The following HS3ST3A1 variants were observed in gnomAD, a reference collection of about 807,000 sequenced individuals.
HS3ST3A1 encodes heparan sulfate glucosamine 3-O-sulfotransferase 3A1.
HS3ST3A1 carries 19 observed loss-of-function variants against 25.7 expected under a neutral mutation model. The observed-to-expected ratio is 0.74, with a 90% CI of 0.52 to 1.08. HS3ST3A1 has a LOEUF of 1.08. HS3ST3A1 is among the 50% of genes least tolerant of loss of function. HS3ST3A1 has a pLI of 0.00. For missense variants in HS3ST3A1, 459 were observed against 594.3 expected, an observed-to-expected ratio of 0.77 and a Z score of 2.37; for synonymous variants, 226 against 278.6, an observed-to-expected ratio of 0.81 and a Z score of 1.88.
intron 1 of HS3ST3A1, among the ~76,000 whole-genome samples, chr17:13,572,804 T>C (rs1907852937): frequency 6.6e-6 from 1 of 152,186 alleles, no homozygotes; most frequent in African/African-American, 2.4e-5. Flanking sequence ...AATAAAAAAT[T>C]GAGCAAAACA....
chr17:13,508,690 T>C (rs1384985900), intron 1 of HS3ST3A1, among the ~76,000 whole-genome samples: 2 of 152,224 alleles, frequency 1.3e-5, no homozygotes, highest in Non-Finnish European at 2.9e-5. Context: ...TTTAAAGTGG[T>C]TTCTGTCTCC....
intron 1 of HS3ST3A1, among the ~76,000 whole-genome samples, chr17:13,502,317 G>A (rs1337573533): frequency 1.3e-5 from 2 of 152,136 alleles, no homozygotes; most frequent in East Asian, 1.9e-4. Flanking sequence ...ACACTACTGA[G>A]GGGACAGACC....
At chr17:13,558,105 G>C (rs1473844018) in intron 1 of HS3ST3A1, among the ~76,000 whole-genome samples, 1 of 152,056 alleles carries the variant, frequency 6.6e-6, no homozygotes, top group African/African-American at 2.4e-5. Flanking sequence ...TCATTTATAG[G>C]ACAAGATTTA....
rs1395569900 is a variant in HS3ST3A1 at position 13,585,840 on chromosome 17, G to GTTC, written c.599+14690_599+14691insGAA. 6.1e-3 allele frequency among the ~76,000 whole-genome samples: 377 copies of GTTC among 62,034 alleles called. 88 individuals are homozygous for GTTC. In the East Asian group the frequency reaches 0.065, roughly 11 times the overall value. 40.7% of individuals were successfully genotyped at this position (62,034 alleles called of 152,430 possible). A position where few individuals can be genotyped will look rare whatever the true frequency, so the allele number is the denominator to read the frequency against. ...TGAGACCTGTTATTCCTCCTTCTGC[G>GTTC]TTTTTTTTTTTTTTTTTTTTTTTTT... On this transcript the variant is annotated intron_variant, in intron 1 of 1. Coordinates refer to ENST00000284110, the MANE Select transcript of HS3ST3A1 (RefSeq NM_006042.3).
At chr17:13,586,239 A>AT (rs1248318526) in intron 1 of HS3ST3A1, among the ~76,000 whole-genome samples, 3 of 152,022 alleles carry the variant, frequency 2.0e-5, no homozygotes, top group African/African-American at 7.2e-5. Context: ...ACACAGTGTT[A>AT]TAAGTCCTAC....
intron 1 of HS3ST3A1, among the ~76,000 whole-genome samples, chr17:13,500,407 C>T (rs1453494235): frequency 2.6e-5 from 4 of 152,072 alleles, no homozygotes; most frequent in Non-Finnish European, 5.9e-5. Flanking sequence ...AAACTGGGGC[C>T]CGGGATGGGT....
At chr17:13,499,323 C>T (rs1345656649) in intron 1 of HS3ST3A1, among the ~76,000 whole-genome samples, 1 of 152,096 alleles carries the variant, frequency 6.6e-6, no homozygotes, top group Non-Finnish European at 1.5e-5. Flanking sequence ...CTAAGGTGAG[C>T]CAGGAGATCT....
Position 13,516,815 on chromosome 17 carries a change from T to A in HS3ST3A1, c.600-19997A>T, listed in dbSNP as rs545891105. On this transcript the variant is annotated intron_variant, in intron 1 of 1. Coordinates refer to ENST00000284110, the MANE Select transcript of HS3ST3A1 (RefSeq NM_006042.3). Reference sequence around the variant, plus strand: ...TGGTCTAGTGCCTCAGCTTCCCAAGTAGCTGGGATTACAGGCGCCTGCCAC... The same window carrying A: ...TGGTCTAGTGCCTCAGCTTCCCAAGAAGCTGGGATTACAGGCGCCTGCCAC... Among the ~76,000 whole-genome samples the A allele has an allele frequency of 1.1e-3, 167 of 152,334 alleles. 1 individual carries two copies. The highest frequency in any genetic ancestry group is 3.8e-3 in the African/African-American group (156 of 41,582).
At chr17:13,555,302 G>A (rs916773105) in intron 1 of HS3ST3A1, among the ~76,000 whole-genome samples, 136 of 152,168 alleles carry the variant, frequency 8.9e-4, no homozygotes, top group Non-Finnish European at 1.3e-4. Flanking sequence ...AATGGAACAG[G>A]TGGAGGAAGA....
intron 1 of HS3ST3A1, among the ~76,000 whole-genome samples, chr17:13,576,499 C>T (rs777554340): frequency 1.7e-4 from 26 of 152,162 alleles, no homozygotes; most frequent in Non-Finnish European, 2.8e-4. Flanking sequence ...ACAAGCCAAG[C>T]GTGGAAGATA....
chr17:13,593,284 C>G (rs1051594858), intron 1 of HS3ST3A1, among the ~76,000 whole-genome samples: 2 of 148,496 alleles, frequency 1.3e-5, no homozygotes, highest in African/African-American at 2.5e-5. Context: ...TTTCCTCTGA[C>G]CCTTATTTTA....
At chr17:13,563,798 G>C (rs1486076958) in intron 1 of HS3ST3A1, among the ~76,000 whole-genome samples, 1 of 152,166 alleles carries the variant, frequency 6.6e-6, no homozygotes, top group East Asian at 1.9e-4. Context: ...GGAGTATGCG[G>C]TTGCAGCTCC....
chr17:13,545,179 A>C (rs1907049743), intron 1 of HS3ST3A1, among the ~76,000 whole-genome samples: 1 of 152,218 alleles, frequency 6.6e-6, no homozygotes. Flanking sequence ...AACTACCAAG[A>C]TCACCCATGA....
chr17:13,556,791 G>T (rs1472894577), intron 1 of HS3ST3A1, among the ~76,000 whole-genome samples: 4 of 150,920 alleles, frequency 2.7e-5, no homozygotes, highest in African/African-American at 7.4e-5. Flanking sequence ...GGCAGAGGTT[G>T]CAGGGAGCAG....
At chr17:13,574,579 A>G (rs1907902167) in intron 1 of HS3ST3A1, among the ~76,000 whole-genome samples, 1 of 151,614 alleles carries the variant, frequency 6.6e-6, no homozygotes, top group Non-Finnish European at 1.5e-5. Flanking sequence ...TTAGCGGGAC[A>G]TGGTGGCGGG....
chr17:13,534,805 C>T (rs900653723), intron 1 of HS3ST3A1, among the ~76,000 whole-genome samples: 8 of 152,068 alleles, frequency 5.3e-5, no homozygotes, highest in Admixed American at 4.6e-4. Flanking sequence ...GCAGGCAGAT[C>T]ACCTGAGGTT....
At chr17:13,540,848 A>G (rs1009424505) in intron 1 of HS3ST3A1, among the ~76,000 whole-genome samples, 2 of 152,234 alleles carry the variant, frequency 1.3e-5, no homozygotes, top group African/African-American at 4.8e-5. Context: ...GGGACCTCAC[A>G]TCCTTATTTA....
At chr17:13,515,890 T>C (rs1906036482) in intron 1 of HS3ST3A1, among the ~76,000 whole-genome samples, 1 of 152,208 alleles carries the variant, frequency 6.6e-6, no homozygotes, top group African/African-American at 2.4e-5. Context: ...CCTTTTCCTA[T>C]TGATGAATGA....
At chr17:13,503,157 G>A (rs1289317323) in intron 1 of HS3ST3A1, among the ~76,000 whole-genome samples, 4 of 113,948 alleles carry the variant, frequency 3.5e-5, no homozygotes, top group Non-Finnish European at 4.9e-5. Flanking sequence ...CCTAGCAAGA[G>A]AGCAAGACTC....
Sources: gnomAD v4.1 joint callset for allele counts (sites outside exome capture counted in the v4.1 genomes callset) on GRCh38, gnomAD v4.1.1 for gene constraint, MANE v1.5 for transcripts, NCBI Gene and HGNC (gene_info 2026-07-23, HGNC 2026-07-21) for gene names.